Variants in RAB6B observed in about 807,000 individuals in gnomAD.
RAB6B encodes the protein ras-related protein Rab-6B.
RAB6B carries 7 observed loss-of-function variants against 31.2 expected under a neutral mutation model. The observed-to-expected ratio is 0.22, with a 90% CI of 0.13 to 0.42. The LOEUF (loss-of-function observed/expected upper bound fraction) is 0.42. Ranked by LOEUF, RAB6B falls within the 10% of genes least tolerant of loss-of-function variation. RAB6B has a pLI of 1.00. For synonymous variants in RAB6B, 105 were observed against 104.9 expected, an observed-to-expected ratio of 1.00 and a Z score of -0.01; for missense variants, 149 against 280.6, an observed-to-expected ratio of 0.53 and a Z score of 3.35.
chr3:133,832,723 G>A (rs1267065959), intron 7 of RAB6B, among the ~76,000 whole-genome samples: 4 of 152,238 alleles, frequency 2.6e-5, no homozygotes, highest in Non-Finnish European at 5.9e-5. Context: ...CTGGGCAGAA[G>A]TGAAAGGATG....
chr3:133,888,152 A>C (rs887028059), intron 1 of RAB6B, among the ~76,000 whole-genome samples: 1 of 152,192 alleles, frequency 6.6e-6, no homozygotes, highest in African/African-American at 2.4e-5. Flanking sequence ...CTTTGAGGCA[A>C]GAGGTCTGAT....
In RAB6B at chr3:133,839,884, C is replaced by A. The variant is rs887500808; in HGVS notation, c.290-267G>T. Among the ~76,000 whole-genome samples the A allele has an allele frequency of 6.6e-5, 10 of 152,290 alleles. No homozygotes were observed. In the Middle Eastern group the frequency reaches 0.01, roughly 155 times the overall value. Reference sequence around the variant, plus strand: ...CACCCCATCTGGAAGATCACAGTGTCATGATTTGCCACATGGAATAGTGGC... The same window carrying A: ...CACCCCATCTGGAAGATCACAGTGTAATGATTTGCCACATGGAATAGTGGC... On this transcript the variant is annotated intron_variant, in intron 4 of 7. Coordinates refer to ENST00000285208, the MANE Select transcript of RAB6B (RefSeq NM_016577.4).
intron 7 of RAB6B, among the ~76,000 whole-genome samples, chr3:133,831,805 CA>C (rs1935659598): frequency 6.6e-6 from 1 of 152,222 alleles, no homozygotes; most frequent in Non-Finnish European, 1.5e-5. Context: ...ATTCAGTGCC[CA>C]ATGTCCCTTC....
intron 2 of RAB6B, among the ~76,000 whole-genome samples, chr3:133,849,887 CT>C (rs1434171734): frequency 6.6e-6 from 1 of 152,226 alleles, no homozygotes; most frequent in Non-Finnish European, 1.5e-5. Context: ...AGGGCCTTGG[CT>C]GGGCCTCAGT....
In RAB6B at chr3:133,853,504, GGACA is replaced by G. The variant is rs1936031272; in HGVS notation, c.129+11076_129+11079del. On this transcript the variant is annotated intron_variant, in intron 2 of 7. Transcript: ENST00000285208. ...CTAGAATGCCTGTCAATGCTCCCCA[GGACA>G]GACCATAGCCAGCCCCACAGGAGCT... Among the ~76,000 whole-genome samples, 3 of 151,644 alleles carry G rather than the reference GGACA, an allele frequency of 2.0e-5. No individual in the cohort carries two copies. In the South Asian group the frequency reaches 6.3e-4, roughly 32 times the overall value.
In RAB6B at chr3:133,841,313, C is replaced by T. The variant is rs773504889; in HGVS notation, c.261G>A (p.Thr87=). The change falls in exon 4 of 8, where the codon ACG becomes ACA. Residue 87 remains threonine, a synonymous_variant. Transcript: ENST00000285208. ...TGATGTCGTACACCACCACAGCCAC[C>T]GTGGAGTCCCGGATGTAGCTGGGGA... ...SLIPSYIRDS[T]VAVVVYDITN... 74 of 1,614,176 alleles carry T rather than the reference C, an allele frequency of 4.6e-5. No individual in the cohort carries two copies. The highest frequency in any genetic ancestry group is 2.6e-4 in the South Asian group (24 of 91,082).
At chr3:133,883,937 C>A (rs538544386) in intron 1 of RAB6B, among the ~76,000 whole-genome samples, 50 of 152,306 alleles carry the variant, frequency 3.3e-4, no homozygotes, top group Non-Finnish European at 5.6e-4. Context: ...GAGGTCAAAG[C>A]TGGGCTGTGT....
chr3:133,875,164 G>A (rs1039666032), intron 1 of RAB6B, among the ~76,000 whole-genome samples: 3 of 152,088 alleles, frequency 2.0e-5, no homozygotes, highest in African/African-American at 7.2e-5. Flanking sequence ...TCATACATGC[G>A]GTCTGTCGTT....
At chr3:133,879,638 G>A (rs1021317472) in intron 1 of RAB6B, among the ~76,000 whole-genome samples, 1 of 152,202 alleles carries the variant, frequency 6.6e-6, no homozygotes, top group African/African-American at 2.4e-5. Context: ...TATGAGGACC[G>A]ACAGTCAAGG....
In RAB6B at chr3:133,860,275, G is replaced by A. The variant is rs150036283; in HGVS notation, c.129+4309C>T. Among the ~76,000 whole-genome samples, 191 of 152,314 alleles carry A rather than the reference G, an allele frequency of 1.3e-3. 2 individuals are homozygous for A. In the East Asian group the frequency reaches 0.035, roughly 28 times the overall value. On this transcript the variant is annotated intron_variant, in intron 2 of 7. Transcript: ENST00000285208. ...GAGAAAAAATCATCCAGAATTTAGGGTGGGTCCTTAAATCCAGTGACTGGT... is the reference window on the plus strand; with the variant it reads ...GAGAAAAAATCATCCAGAATTTAGGATGGGTCCTTAAATCCAGTGACTGGT...
At chr3:133,859,729 C>T (rs540419090) in intron 2 of RAB6B, among the ~76,000 whole-genome samples, 4 of 152,304 alleles carry the variant, frequency 2.6e-5, no homozygotes, top group African/African-American at 9.6e-5. Context: ...TGTCCCCTCC[C>T]TAAGCAGCTG....
intron 2 of RAB6B, among the ~76,000 whole-genome samples, chr3:133,856,775 G>A (rs922708847): frequency 1.1e-4 from 17 of 152,032 alleles, no homozygotes; most frequent in East Asian, 5.8e-4. Flanking sequence ...ATCTTCTGCC[G>A]GGTCAATGTT....
At chr3:133,884,727 C>T (rs1307082508) in intron 1 of RAB6B, among the ~76,000 whole-genome samples, 1 of 150,010 alleles carries the variant, frequency 6.7e-6, no homozygotes, top group Non-Finnish European at 1.5e-5. Flanking sequence ...AGGACACAAA[C>T]ACACCTAATG....
chr3:133,856,282 T>C (rs531447996), intron 2 of RAB6B, among the ~76,000 whole-genome samples: 38 of 152,058 alleles, frequency 2.5e-4, no homozygotes, highest in Admixed American at 7.2e-4. Context: ...GAAAGGATGT[T>C]AGAGCCTGGG....
chr3:133,850,060 A>C (rs1318330030), intron 2 of RAB6B, among the ~76,000 whole-genome samples: 1 of 152,142 alleles, frequency 6.6e-6, no homozygotes, highest in East Asian at 1.9e-4. Flanking sequence ...GGTGACCCCA[A>C]ATTCTCCATA....
chr3:133,892,620 T>C (rs1936651682), intron 1 of RAB6B, among the ~76,000 whole-genome samples: 1 of 152,050 alleles, frequency 6.6e-6, no homozygotes. Flanking sequence ...TAAAGCCACA[T>C]CCCTCCAGCT....
chr3:133,849,984 A>C (rs1935955560), intron 2 of RAB6B, among the ~76,000 whole-genome samples: 1 of 152,200 alleles, frequency 6.6e-6, no homozygotes, highest in African/African-American at 2.4e-5. Flanking sequence ...ATTAGAGAAC[A>C]ATCTGCAAAG....
intron 5 of RAB6B, 43 bp from the exon 6 acceptor site, chr3:133,838,302 C>G: frequency 6.4e-7 from 1 of 1,563,028 alleles, no homozygotes; most frequent in Non-Finnish European, 8.8e-7. Context: ...AGCAGAGAAG[C>G]AGACCCTGGC....
Position 133,832,365 on chromosome 3 carries a change from T to A in RAB6B, c.562+2210A>T, listed in dbSNP as rs1041637542. Among the ~76,000 whole-genome samples, 16 of 151,894 alleles carry A rather than the reference T, an allele frequency of 1.1e-4. 1 individual carries two copies. The highest frequency in any genetic ancestry group is 1.0e-3 in the Admixed American group (16 of 15,252). On this transcript the variant is annotated intron_variant, in intron 7 of 7. Coordinates refer to ENST00000285208, the MANE Select transcript of RAB6B (RefSeq NM_016577.4). ...CTGAGGGGTCCTCCTGTCTCGAACG[T>A]GAAGAAGAGGTGCAGCAGCCCCCCA...
Sources: allele counts gnomAD v4.1 joint callset (sites outside exome capture counted in the v4.1 genomes callset), GRCh38; gene constraint gnomAD v4.1.1; transcripts MANE v1.5; gene names NCBI Gene and HGNC (gene_info 2026-07-23, HGNC 2026-07-21).